Variants in ASTN2 observed in about 807,000 individuals in gnomAD.
ASTN2 encodes the protein astrotactin 2.
ASTN2 carries 54 observed loss-of-function variants against 139.8 expected under a neutral mutation model. That is an observed-to-expected ratio of 0.39 (90% CI 0.31 to 0.48). The LOEUF (loss-of-function observed/expected upper bound fraction) is 0.48. ASTN2 is among the 20% of genes least tolerant of loss of function. ASTN2 has a pLI of 0.95. For missense variants in ASTN2, 1,565 were observed against 1,725.1 expected (o/e 0.91, Z 1.64); for synonymous variants, 756 against 719.5 (o/e 1.05, Z -0.81).
intron 19 of ASTN2, among the ~76,000 whole-genome samples, chr9:116,523,308 T>C (rs1850957611): frequency 6.6e-6 from 1 of 151,912 alleles, no homozygotes; most frequent in African/African-American, 2.4e-5. Flanking sequence ...TCGAACTTGC[T>C]CTGGAGATGA....
chr9:116,427,833 G>C (rs1016001202), intron 22 of ASTN2, among the ~76,000 whole-genome samples: 3 of 151,990 alleles, frequency 2.0e-5, no homozygotes, highest in African/African-American at 7.3e-5. Flanking sequence ...TCGGGCAAGT[G>C]CCCCCCCCAA....
rs568046263 is a variant in ASTN2, at chr9:117,353,879, C to T, written c.442+60618G>A. On this transcript the variant is annotated intron_variant, in intron 1 of 22. Transcript: ENST00000313400. ...ACCATGAAGACAGCAAAAAGACCAG[C>T]GATAGCAGTGGGTTAGCATGAAGGG... Among the ~76,000 whole-genome samples the T allele has an allele frequency of 8.5e-5, 13 of 152,174 alleles. No homozygotes were observed. The East Asian group carries it at 1.5e-3, about 18-fold the overall frequency.
At chr9:117,096,019 T>G (rs778725559) in intron 5 of ASTN2, 25 bp downstream of exon 5, 1 of 1,605,776 alleles carries the variant, frequency 6.2e-7, no homozygotes, top group Admixed American at 1.7e-5. Flanking sequence ...ACTCTGGTTC[T>G]GGAACCTTCC....
chr9:117,071,930 A>C (rs1027009239), intron 5 of ASTN2, among the ~76,000 whole-genome samples: 9 of 152,104 alleles, frequency 5.9e-5, no homozygotes, highest in Admixed American at 2.0e-4. Flanking sequence ...TAGTGAGATG[A>C]ACCCGGTACC....
intron 3 of ASTN2, among the ~76,000 whole-genome samples, chr9:117,190,055 T>C (rs1831306242): frequency 6.6e-6 from 1 of 152,128 alleles, no homozygotes; most frequent in African/African-American, 2.4e-5. Flanking sequence ...TGAGTTCCAA[T>C]CTCTCAGGAA....
chr9:116,480,819 G>A (rs1229858545), intron 20 of ASTN2, among the ~76,000 whole-genome samples: 3 of 152,184 alleles, frequency 2.0e-5, no homozygotes, highest in Admixed American at 6.5e-5. Context: ...AAGCGTGCCT[G>A]CAGAGTGGTG....
intron 1 of ASTN2, among the ~76,000 whole-genome samples, chr9:117,378,286 T>C (rs1480316800): frequency 6.6e-6 from 1 of 151,912 alleles, no homozygotes; most frequent in African/African-American, 2.4e-5. Flanking sequence ...TAGTCCAGAG[T>C]GTTTCCACCA....
At chr9:116,687,051 T>C in intron 16 of ASTN2, 4 of 1,323,596 alleles carry the variant, frequency 3.0e-6, no homozygotes, top group Non-Finnish European at 3.9e-6. Flanking sequence ...CATTCTGGCT[T>C]ATCTCCTGAC....
At chr9:117,366,925 C>A (rs1829860488) in intron 1 of ASTN2, among the ~76,000 whole-genome samples, 1 of 152,128 alleles carries the variant, frequency 6.6e-6, no homozygotes, top group African/African-American at 2.4e-5. Context: ...CAGGTGCACA[C>A]CACTACACTC....
chr9:116,648,188 G>C (rs1432783714), intron 17 of ASTN2, among the ~76,000 whole-genome samples: 1 of 151,996 alleles, frequency 6.6e-6, no homozygotes, highest in Non-Finnish European at 1.5e-5. Flanking sequence ...TTTTAGTAGA[G>C]ATGGGGTTTC....
chr9:117,404,861 A>C lies in ASTN2; in HGVS notation c.442+9636T>G, dbSNP rs376338353. On this transcript the variant is annotated intron_variant, in intron 1 of 22. Coordinates refer to ENST00000313400, the MANE Select transcript of ASTN2 (RefSeq NM_001365068.1). ...GGAAGGAAGAAAAGGGGGAAAAAAA[A>C]GAAGGAAAGGGGATGGGGAAGAAAG... is the stretch of plus-strand genomic sequence containing the variant. Among the ~76,000 whole-genome samples the C allele has an allele frequency of 2.6e-5, 4 of 152,158 alleles. No individual in the cohort carries two copies. In the East Asian group the frequency reaches 7.7e-4, roughly 29 times the overall value.
At chr9:116,669,120 T>G (rs1859038167) in intron 16 of ASTN2, among the ~76,000 whole-genome samples, 1 of 152,192 alleles carries the variant, frequency 6.6e-6, no homozygotes, top group East Asian at 1.9e-4. Flanking sequence ...TCCACCAGTG[T>G]GCCATGTCAG....
At chr9:116,636,176 C>T (rs1039683852) in intron 17 of ASTN2, among the ~76,000 whole-genome samples, 3 of 152,136 alleles carry the variant, frequency 2.0e-5, no homozygotes, top group Non-Finnish European at 4.4e-5. Flanking sequence ...TCCTTCTGAG[C>T]GTCAGTCTCC....
At chr9:116,830,318 A>G (rs1265118431) in intron 11 of ASTN2, among the ~76,000 whole-genome samples, 1 of 152,228 alleles carries the variant, frequency 6.6e-6, no homozygotes, top group African/African-American at 2.4e-5. Context: ...CTACTATTAA[A>G]AAGTCAAAAA....
chr9:117,221,876 C>T (rs542476312), intron 2 of ASTN2, among the ~76,000 whole-genome samples: 1 of 151,676 alleles, frequency 6.6e-6, no homozygotes, highest in African/African-American at 2.4e-5. Context: ...GAAACTGAGA[C>T]TCAAAGAATG....
chr9:117,308,467 C>A (rs1208012343), intron 1 of ASTN2, among the ~76,000 whole-genome samples: 2 of 152,082 alleles, frequency 1.3e-5, no homozygotes, highest in Admixed American at 6.6e-5. Context: ...CATCTGCTTG[C>A]CTCAAAGCAT....
chr9:117,293,143 C>A (rs908649449), intron 1 of ASTN2, among the ~76,000 whole-genome samples: 1 of 152,094 alleles, frequency 6.6e-6, no homozygotes. Flanking sequence ...TGACAGCTTG[C>A]TTTCTCTCCC....
intron 2 of ASTN2, among the ~76,000 whole-genome samples, chr9:117,237,049 G>A (rs780300254): frequency 6.6e-6 from 1 of 152,148 alleles, no homozygotes; most frequent in African/African-American, 2.4e-5. Context: ...CAGAGTGGGT[G>A]AGACTACCAT....
At chr9:117,057,029 A>G (rs1839083645) in intron 5 of ASTN2, among the ~76,000 whole-genome samples, 1 of 152,236 alleles carries the variant, frequency 6.6e-6, no homozygotes, top group African/African-American at 2.4e-5. Flanking sequence ...GTGGATGATA[A>G]TAAGAAAGGC....
Sources: gnomAD v4.1 joint callset for allele counts (sites outside exome capture counted in the v4.1 genomes callset) on GRCh38, gnomAD v4.1.1 for gene constraint, MANE v1.5 for transcripts, NCBI Gene and HGNC (gene_info 2026-07-23, HGNC 2026-07-21) for gene names.